The following ZFPM2 variants were observed in gnomAD, a reference collection of about 807,000 sequenced individuals.
The protein encoded by ZFPM2 is zinc finger protein, FOG family member 2, also known as zinc finger protein ZFPM2.
ZFPM2 carries 20 observed loss-of-function variants against 98.6 expected under a neutral mutation model. The ratio of observed to expected loss-of-function variants is 0.20; its 90% CI spans 0.14 to 0.29. The LOEUF is 0.29. Among genes scored for constraint, ZFPM2 ranks in the 10% least tolerant of loss-of-function variants. ZFPM2 has a pLI of 1.00. For synonymous variants in ZFPM2, 518 were observed against 502.7 expected (o/e 1.03, Z -0.41); for missense variants, 1,310 against 1,388.6 (o/e 0.94, Z 0.90).
chr8:105,323,432 T>G (rs1365027589), intron 1 of ZFPM2, among the ~76,000 whole-genome samples: 1 of 151,974 alleles, frequency 6.6e-6, no homozygotes, highest in Admixed American at 6.6e-5. Context: ...ATTTTTATTT[T>G]CTACATTTTT....
chr8:105,354,715 T>C (rs746047036), intron 1 of ZFPM2, among the ~76,000 whole-genome samples: 1 of 152,124 alleles, frequency 6.6e-6, no homozygotes, highest in African/African-American at 2.4e-5. Flanking sequence ...ACATTGTATG[T>C]AGTAGGATGA....
intron 2 of ZFPM2, among the ~76,000 whole-genome samples, chr8:105,420,295 CA>C (rs1451567721): frequency 6.6e-6 from 1 of 151,652 alleles, no homozygotes; most frequent in East Asian, 1.9e-4. Flanking sequence ...TGTAGCTTCT[CA>C]AAAAAATGTC....
At chr8:105,456,997 A>C (rs1413842848) in intron 3 of ZFPM2, among the ~76,000 whole-genome samples, 1 of 152,176 alleles carries the variant, frequency 6.6e-6, no homozygotes, top group Non-Finnish European at 1.5e-5. Context: ...TTGTCTCTCA[A>C]TAACTTTGGT....
At chr8:105,746,007 A>G (rs560104870) in intron 5 of ZFPM2, among the ~76,000 whole-genome samples, 4 of 152,118 alleles carry the variant, frequency 2.6e-5, no homozygotes, top group African/African-American at 7.2e-5. Context: ...CCTGGCCTCA[A>G]TTGATCCTCC....
intron 5 of ZFPM2, among the ~76,000 whole-genome samples, chr8:105,645,616 G>A (rs1014439386): frequency 3.3e-5 from 5 of 152,200 alleles, no homozygotes; most frequent in Admixed American, 3.3e-4. Flanking sequence ...GTTGCAGCTT[G>A]TATGGTGACC....
chr8:105,659,671 T>C (rs1203148391), intron 5 of ZFPM2, among the ~76,000 whole-genome samples: 1 of 152,188 alleles, frequency 6.6e-6, no homozygotes, highest in African/African-American at 2.4e-5. Context: ...CACTAAAGAA[T>C]AGAAGAACTC....
chr8:105,765,865 G>A (rs1316130172), intron 5 of ZFPM2, among the ~76,000 whole-genome samples: 1 of 151,806 alleles, frequency 6.6e-6, no homozygotes, highest in African/African-American at 2.4e-5. Flanking sequence ...GAAATTTTTG[G>A]CAAATATTTT....
At chr8:105,537,486 G>C (rs1373500396) in intron 3 of ZFPM2, among the ~76,000 whole-genome samples, 1 of 152,072 alleles carries the variant, frequency 6.6e-6, no homozygotes, top group African/African-American at 2.4e-5. Flanking sequence ...GGCTATCCTG[G>C]ACAACATAGC....
intron 4 of ZFPM2, among the ~76,000 whole-genome samples, chr8:105,570,008 G>A (rs991693542): frequency 1.6e-4 from 24 of 152,060 alleles, no homozygotes; most frequent in African/African-American, 3.6e-4. Context: ...ATTCACAGAC[G>A]CCCTTAGGTT....
chr8:105,611,948 C>T (rs1190826304), intron 4 of ZFPM2, among the ~76,000 whole-genome samples: 1 of 152,046 alleles, frequency 6.6e-6, no homozygotes, highest in Non-Finnish European at 1.5e-5. Flanking sequence ...TCCACCCAAC[C>T]TTGGCCTCCC....
At chr8:105,545,188 A>T (rs1289536103) in intron 3 of ZFPM2, among the ~76,000 whole-genome samples, 1 of 152,168 alleles carries the variant, frequency 6.6e-6, no homozygotes, top group East Asian at 1.9e-4. Flanking sequence ...ATAGTAATTA[A>T]TATTTTTGAA....
intron 3 of ZFPM2, among the ~76,000 whole-genome samples, chr8:105,467,927 ACCCT>A (rs2130332734): frequency 6.6e-6 from 1 of 152,098 alleles, no homozygotes; most frequent in East Asian, 1.9e-4. Flanking sequence ...AAATCTGCTC[ACCCT>A]CAAGAGTTTC....
At chr8:105,746,653 A>ATTTTTTTTTTTTTTTTTTTTTTTTTTTT (rs1812353761) in intron 5 of ZFPM2, among the ~76,000 whole-genome samples, 2 of 85,392 alleles carry the variant, frequency 2.3e-5, no homozygotes, top group East Asian at 3.7e-4. Flanking sequence ...CTGTTTTTAA[A>ATTTTTTTTTTTTTTTTTTTTTTTTTTTT]AATTTTTTTT....
chr8:105,352,600 T>TA (rs1040175560), intron 1 of ZFPM2, among the ~76,000 whole-genome samples: 4 of 151,854 alleles, frequency 2.6e-5, no homozygotes, highest in African/African-American at 4.8e-5. Flanking sequence ...TTTTTTTTTT[T>TA]ACCTGTCTTT....
chr8:105,394,042 T>C lies in ZFPM2; in HGVS notation c.41-25102T>C, dbSNP rs536758403. Among the ~76,000 whole-genome samples, 19 of 151,992 alleles carry C rather than the reference T, an allele frequency of 1.3e-4. No homozygotes were observed. The South Asian group carries it at 2.5e-3, about 20-fold the overall frequency. On this transcript the variant is annotated intron_variant, in intron 1 of 7. Transcript: ENST00000407775. ...TCAAGTAGCTGAGACTACAGGCGCC[T>C]GCCACCATGCCCGGCTAATTTTTTG...
At chr8:105,424,736 G>T (rs1380951525) in intron 2 of ZFPM2, among the ~76,000 whole-genome samples, 1 of 152,124 alleles carries the variant, frequency 6.6e-6, no homozygotes, top group Non-Finnish European at 1.5e-5. Flanking sequence ...TGTTCACTAG[G>T]TCAAATTCAA....
chr8:105,692,424 A>G (rs142310993), intron 5 of ZFPM2, among the ~76,000 whole-genome samples: 1 of 152,238 alleles, frequency 6.6e-6, no homozygotes, highest in Non-Finnish European at 1.5e-5. Context: ...GTGCAAATAC[A>G]TAAAAATTTT....
intron 3 of ZFPM2, among the ~76,000 whole-genome samples, chr8:105,554,732 C>G (rs1045043225): frequency 6.6e-6 from 1 of 152,124 alleles, no homozygotes; most frequent in Admixed American, 6.5e-5. Context: ...GAAATCTGAG[C>G]CTTGAGTTAA....
chr8:105,793,173 C>T (rs1586273145), intron 6 of ZFPM2, among the ~76,000 whole-genome samples: 1 of 152,000 alleles, frequency 6.6e-6, no homozygotes, highest in East Asian at 1.9e-4. Flanking sequence ...GCAGTTTCTT[C>T]CTAGTCTCGA....
Sources: allele counts gnomAD v4.1 joint callset (sites outside exome capture counted in the v4.1 genomes callset), GRCh38; gene constraint gnomAD v4.1.1; transcripts MANE v1.5; gene names NCBI Gene and HGNC (gene_info 2026-07-23, HGNC 2026-07-21).